GALNT1: variants seen among roughly 807,000 people sequenced by gnomAD.
GALNT1 encodes polypeptide N-acetylgalactosaminyltransferase 1, also known as GalNAc transferase 1.
In GALNT1, 17 loss-of-function variants were observed where a neutral mutation model predicts 65.7. That is an observed-to-expected ratio of 0.26 (90% CI 0.18 to 0.39). GALNT1 has a LOEUF of 0.39. Among genes scored for constraint, GALNT1 ranks in the 10% least tolerant of loss-of-function variants. The pLI, the probability that GALNT1 is intolerant of heterozygous loss-of-function variation, is 1.00. For synonymous variants in GALNT1, 210 were observed against 219.7 expected, an observed-to-expected ratio of 0.96 and a Z score of 0.39; for missense variants, 460 against 672.8, an observed-to-expected ratio of 0.68 and a Z score of 3.50.
At chr18:35,661,239 C>G (rs184346018) in intron 2 of GALNT1, among the ~76,000 whole-genome samples, 1 of 152,126 alleles carries the variant, frequency 6.6e-6, no homozygotes, top group Non-Finnish European at 1.5e-5. Flanking sequence ...TGGCTCACAC[C>G]TGTAATCCCA....
chr18:35,649,247 T>C (rs2047279032), intron 1 of GALNT1, among the ~76,000 whole-genome samples: 1 of 152,228 alleles, frequency 6.6e-6, no homozygotes, highest in African/African-American at 2.4e-5. Context: ...TTCTTTTAGC[T>C]GTTTTAATCA....
chr18:35,594,619 A>G (rs189679396), intron 1 of GALNT1, among the ~76,000 whole-genome samples: 54 of 152,356 alleles, frequency 3.5e-4, no homozygotes, highest in African/African-American at 1.2e-3. Context: ...GAAAGGTCCA[A>G]TGAAGTGAGG....
chr18:35,702,702 A>T (rs1376951396), intron 9 of GALNT1, 195 bp from the exon 10 acceptor site: 3 of 377,932 alleles, frequency 7.9e-6, no homozygotes. Flanking sequence ...CCATAAACAC[A>T]GAAAATTACA....
intron 6 of GALNT1, 109 bp downstream of exon 6, chr18:35,687,295 G>T: frequency 9.8e-7 from 1 of 1,020,954 alleles, no homozygotes; most frequent in Non-Finnish European, 1.4e-6. Flanking sequence ...TGAAGCATTC[G>T]TATACCTTAT....
intron 1 of GALNT1, among the ~76,000 whole-genome samples, chr18:35,652,115 G>A (rs113117917): frequency 6.6e-6 from 1 of 151,830 alleles, no homozygotes; most frequent in African/African-American, 2.4e-5. Flanking sequence ...TTCCTGGTAC[G>A]GTTATGATCT....
chr18:35,691,128 T>C lies in GALNT1; in HGVS notation c.1095T>C (p.Asn365=). The C allele has an allele frequency of 6.2e-7, 1 of 1,612,892 alleles. No individual in the cohort carries two copies. Among genetic ancestry groups the C allele is most frequent in the Non-Finnish European group, 8.5e-7 (1 of 1,179,502 alleles). Residue 365 remains asparagine (N), a synonymous_variant, in exon 8 of 12, where the codon AAT becomes AAC. Coordinates refer to ENST00000269195, the MANE Select transcript of GALNT1 (RefSeq NM_020474.4). ...PGGTGQIINK[N]NRRLAEVWMD... The stretch of plus-strand genomic sequence containing the variant: ...GCACAGGGCAGATTATCAATAAAAA[T>C]AACAGACGACTTGCAGAAGTGTGGA...
At chr18:35,631,790 T>C (rs949623765) in intron 1 of GALNT1, among the ~76,000 whole-genome samples, 1 of 152,186 alleles carries the variant, frequency 6.6e-6, no homozygotes, top group African/African-American at 2.4e-5. Context: ...GATGACATGA[T>C]TGTATATCTA....
chr18:35,688,804 G>C (rs1436777091), intron 6 of GALNT1, among the ~76,000 whole-genome samples: 1 of 152,176 alleles, frequency 6.6e-6, no homozygotes, highest in African/African-American at 2.4e-5. Flanking sequence ...TGGAGTGGGT[G>C]CACAGTCAGA....
At chr18:35,680,682 T>C (rs2047774205) in intron 4 of GALNT1, among the ~76,000 whole-genome samples, 1 of 152,230 alleles carries the variant, frequency 6.6e-6, no homozygotes, top group South Asian at 2.1e-4. Context: ...AGTAACTCTA[T>C]TTATTAAAGA....
chr18:35,602,381 C>T (rs1292800508), intron 1 of GALNT1, among the ~76,000 whole-genome samples: 2 of 152,030 alleles, frequency 1.3e-5, no homozygotes, highest in Non-Finnish European at 2.9e-5. Context: ...CTCTGACCTT[C>T]CTGTATCTGT....
chr18:35,663,484 AG>A, intron 2 of GALNT1, 143 bp from the exon 3 acceptor site: 3 of 770,114 alleles, frequency 3.9e-6, no homozygotes, highest in East Asian at 5.4e-5. Context: ...GCCCCTTGAA[AG>A]GGTTAACAGC....
chr18:35,612,519 A>G (rs1052340068), intron 1 of GALNT1, among the ~76,000 whole-genome samples: 1 of 152,192 alleles, frequency 6.6e-6, no homozygotes, highest in Admixed American at 6.5e-5. Context: ...TAGCATTTCC[A>G]ATTAATATTA....
chr18:35,690,959 A>G, intron 7 of GALNT1, 53 bp from the exon 8 acceptor site: 1 of 1,440,402 alleles, frequency 6.9e-7, no homozygotes, highest in Non-Finnish European at 9.3e-7. Context: ...ACTAAGGTGA[A>G]CATTTCCTGA....
rs1292638737 is a variant in GALNT1 at position 35,673,368 on chromosome 18, TATC to T, written c.315-4220_315-4218del. Among the ~76,000 whole-genome samples, 6 of 152,374 alleles carry T rather than the reference TATC, an allele frequency of 3.9e-5. No homozygotes were observed. In the East Asian group the frequency reaches 9.6e-4, roughly 24 times the overall value. ...GATGATTGATGAGCAGTATAAGTTT[TATC>T]ATAATTTGCAGATTTAACTTGTAGT... On this transcript the variant is annotated intron_variant, in intron 3 of 11. Coordinates refer to ENST00000269195, the MANE Select transcript of GALNT1 (RefSeq NM_020474.4).
chr18:35,689,120 C>G, intron 6 of GALNT1, 53 bp from the exon 7 acceptor site: 1 of 1,175,518 alleles, frequency 8.5e-7, no homozygotes, highest in Non-Finnish European at 1.3e-6. Flanking sequence ...AAAACAAAAA[C>G]TGATTGATTG....
intron 1 of GALNT1, among the ~76,000 whole-genome samples, chr18:35,622,099 A>G (rs1032780495): frequency 6.6e-6 from 1 of 152,144 alleles, no homozygotes; most frequent in African/African-American, 2.4e-5. Context: ...TAAAAACTAT[A>G]TTGAGATTTT....
intron 1 of GALNT1, among the ~76,000 whole-genome samples, chr18:35,645,336 T>A (rs2047217230): frequency 6.7e-6 from 1 of 148,222 alleles, no homozygotes; most frequent in African/African-American, 2.5e-5. Flanking sequence ...GTCACACCAT[T>A]CTCCTGCCTC....
intron 9 of GALNT1, among the ~76,000 whole-genome samples, chr18:35,701,814 GT>G (rs2048168777): frequency 6.6e-6 from 1 of 152,176 alleles, no homozygotes; most frequent in Non-Finnish European, 1.5e-5. Context: ...GAGAAATTCT[GT>G]TTTGAACGAA....
At chr18:35,588,943 G>A (rs904343548) in intron 1 of GALNT1, among the ~76,000 whole-genome samples, 1 of 152,022 alleles carries the variant, frequency 6.6e-6, no homozygotes, top group African/African-American at 2.4e-5. Context: ...AGTTCATCCT[G>A]GCTCTTGGTA....
Sources: allele counts gnomAD v4.1 joint callset (sites outside exome capture counted in the v4.1 genomes callset), GRCh38; gene constraint gnomAD v4.1.1; transcripts MANE v1.5; gene names NCBI Gene and HGNC (gene_info 2026-07-23, HGNC 2026-07-21).